The following ZXDC variants were observed in gnomAD, a reference collection of about 807,000 sequenced individuals.
The protein encoded by ZXDC is zinc finger protein ZXDC.
Under a neutral mutation model 63.6 loss-of-function variants are expected in ZXDC, and 58 were observed. The observed-to-expected ratio is 0.91, with a 90% CI of 0.74 to 1.13. ZXDC has a LOEUF of 1.13. ZXDC is among the 50% of genes most tolerant of loss of function. The probability of loss-of-function intolerance (pLI) is 0.00; values close to 1 mark genes in which losing one functional copy is unlikely to be tolerated. For missense variants in ZXDC, 1,133 were observed against 1,148.9 expected, an observed-to-expected ratio of 0.99 and a Z score of 0.20; for synonymous variants, 561 against 496.1, an observed-to-expected ratio of 1.13 and a Z score of -1.74.
chr3:126,458,753 C>A, intron 7 of ZXDC: 1 of 985,410 alleles, frequency 1.0e-6, no homozygotes, highest in Non-Finnish European at 1.2e-6. Flanking sequence ...ATGGTCAACT[C>A]TTTCTACAAA....
At position 126,475,755 on chromosome 3, in the gene ZXDC, G is replaced by GCGT; in HGVS notation, c.110_111insACG (p.Arg39dup). ...GGCCCCGCACCAGTAGCAGGCGGCG[G>GCGT]CGCGCGGGGCTCGCGCCGAGCGGCG... On this transcript the variant is annotated inframe_insertion, in exon 1 of 10. Coordinates refer to ENST00000389709, the MANE Select transcript of ZXDC (RefSeq NM_025112.5). 1.7e-6 allele frequency: 2 copies of GCGT among 1,158,612 alleles called. No individual in the cohort carries two copies. The highest frequency in any genetic ancestry group is 2.1e-6 in the Non-Finnish European group (2 of 942,876). 71.8% of individuals were successfully genotyped at this position (1,158,612 alleles called of 1,614,324 possible).
chr3:126,460,749 A>G, intron 6 of ZXDC: 1 of 985,472 alleles, frequency 1.0e-6, no homozygotes, highest in Non-Finnish European at 1.2e-6. Context: ...AAGAAATGAA[A>G]GGTGGCTCCA....
rs1160562344 is a variant in ZXDC at position 126,458,662 on chromosome 3, ATGTT to A, written c.2212+987_2212+990del. The A allele has an allele frequency of 3.0e-5, 30 of 985,306 alleles. No homozygotes were observed. The Admixed American group carries it at 5.5e-4, about 18-fold the overall frequency. 61.0% of individuals were successfully genotyped at this position (985,306 alleles called of 1,614,324 possible). The stretch of plus-strand genomic sequence containing the variant: ...AATAGGACACGTGTTATATACTTGA[ATGTT>A]TGTCTCTTTTTTCTTCAAGATTATC... On this transcript the variant is annotated intron_variant, in intron 7 of 9. Coordinates refer to ENST00000389709, the MANE Select transcript of ZXDC (RefSeq NM_025112.5).
intron 7 of ZXDC, chr3:126,457,715 A>G (rs138046389): frequency 1.1e-6 from 1 of 934,088 alleles, no homozygotes; most frequent in African/African-American, 1.8e-5. Context: ...TATAAGTAAG[A>G]AAGGAATGAC....
In ZXDC at chr3:126,474,649, A is replaced by G. The variant is rs114890775; in HGVS notation, c.907+310T>C. On this transcript the variant is annotated intron_variant, in intron 1 of 9. Coordinates refer to ENST00000389709, the MANE Select transcript of ZXDC (RefSeq NM_025112.5). ...AGACTGAGGAAAATAAAGACCTGAC[A>G]CATAGCTCCGTGCCACTCTGTGAAG... Among the ~76,000 whole-genome samples, 489 of 152,112 alleles carry G rather than the reference A, an allele frequency of 3.2e-3. 5 individuals are homozygous for G. Among genetic ancestry groups the G allele is most frequent in the African/African-American group, 0.011 (462 of 41,536 alleles).
intron 8 of ZXDC, chr3:126,441,007 A>C (rs1933654586): frequency 1.0e-6 from 1 of 985,552 alleles, no homozygotes; most frequent in African/African-American, 1.7e-5. Flanking sequence ...TACAAAGTGG[A>C]GTGGTGAAGA....
At chr3:126,441,344 G>A (rs1376979736) in intron 8 of ZXDC, 18 of 1,011,028 alleles carry the variant, frequency 1.8e-5, no homozygotes, top group East Asian at 9.6e-5. Context: ...CAAGCAGGCC[G>A]CCCTAGAAAT....
chr3:126,471,451 T>C (rs1235855477), intron 3 of ZXDC, among the ~76,000 whole-genome samples: 1 of 152,222 alleles, frequency 6.6e-6, no homozygotes, highest in African/African-American at 2.4e-5. Flanking sequence ...AAAGACTGTG[T>C]CTTTTCCTAA....
intron 6 of ZXDC, chr3:126,460,649 G>A (rs777507): frequency 0.67 from 656,402 of 985,046 alleles, 222,210 homozygotes; most frequent in South Asian, 0.74. Flanking sequence ...TACTATGGCC[G>A]CCTAAGCAAA....
chr3:126,444,378 A>C (rs375043377), intron 7 of ZXDC, among the ~76,000 whole-genome samples: 1 of 152,064 alleles, frequency 6.6e-6, no homozygotes, highest in Non-Finnish European at 1.5e-5. Flanking sequence ...TAAAAATACA[A>C]AAAATTAGCC....
At chr3:126,453,971 GTA>G (rs147848734) in intron 7 of ZXDC, 74 of 934,796 alleles carry the variant, frequency 7.9e-5, no homozygotes, top group Non-Finnish European at 9.3e-5. Context: ...GCCTATACAT[GTA>G]TATATATATG....
At chr3:126,439,835 C>T in intron 8 of ZXDC, 108 bp from the exon 9 acceptor site, 1 of 1,459,648 alleles carries the variant, frequency 6.9e-7, no homozygotes, top group Non-Finnish European at 9.0e-7. Context: ...CAGAACCAGC[C>T]CACCCCCTGT....
rs6775965 is a variant in ZXDC, at chr3:126,462,228, A to C, written c.1442-8T>G. The stretch of plus-strand genomic sequence containing the variant: ...CTAGCTGAGGTAAGAGATCTGAAAA[A>C]AAAAGGAATACACTCTGGTTACTTT... On this transcript the variant is annotated splice_polypyrimidine_tract_variant and splice_region_variant and intron_variant, in intron 5 of 9. Coordinates refer to ENST00000389709, the MANE Select transcript of ZXDC (RefSeq NM_025112.5). The C allele has an allele frequency of 0.21, 328,475 of 1,577,332 alleles. 35,859 individuals carry two copies. Among genetic ancestry groups the C allele is most frequent in the East Asian group, 0.41 (18,207 of 44,458 alleles).
At chr3:126,458,411 G>C (rs1448970780) in intron 7 of ZXDC, 2 of 184,004 alleles carry the variant, frequency 1.1e-5, no homozygotes, top group South Asian at 1.8e-4. Context: ...TAATTTTTTT[G>C]TGTTTTAGTA....
chr3:126,453,037 T>C (rs1160362179), intron 7 of ZXDC: 2 of 985,302 alleles, frequency 2.0e-6, no homozygotes, highest in East Asian at 1.1e-4. Context: ...AGAGATACCC[T>C]TGTCAGATTT....
intron 6 of ZXDC, 104 bp from the exon 7 acceptor site, chr3:126,459,841 C>T (rs1452680836): frequency 4.4e-6 from 7 of 1,587,036 alleles, no homozygotes; most frequent in Non-Finnish European, 6.0e-6. Context: ...CATATCCGAG[C>T]TCCCAAAACC....
rs574649783 is a variant in ZXDC, at chr3:126,445,441, C to T, written c.2213-3495G>A. ...GCCCGGCTCATTAAAGTTTTAATGT[C>T]GGTATTATTCTACAGGATGCTTCCC... On this transcript the variant is annotated intron_variant, in intron 7 of 9. Transcript: ENST00000389709. Among the ~76,000 whole-genome samples the T allele has an allele frequency of 6.6e-5, 10 of 152,002 alleles. No individual in the cohort carries two copies. In the South Asian group the frequency reaches 1.7e-3, roughly 25 times the overall value.
intron 7 of ZXDC, chr3:126,443,412 G>A (rs1484658554): frequency 6.6e-6 from 1 of 152,232 alleles, no homozygotes; most frequent in African/African-American, 2.4e-5. Flanking sequence ...CCTCCTTGAG[G>A]AAACTTCACA....
At chr3:126,451,477 A>G in intron 7 of ZXDC, 2 of 985,446 alleles carry the variant, frequency 2.0e-6, no homozygotes, top group Non-Finnish European at 2.4e-6. Context: ...ATGTAATTGT[A>G]AGACTGAATA....
Sources: gnomAD v4.1 joint callset for allele counts (sites outside exome capture counted in the v4.1 genomes callset) on GRCh38, gnomAD v4.1.1 for gene constraint, MANE v1.5 for transcripts, NCBI Gene and HGNC (gene_info 2026-07-23, HGNC 2026-07-21) for gene names.